The following MAP3K21 variants were observed in gnomAD, a reference collection of about 807,000 sequenced individuals.
MAP3K21 encodes the protein mitogen-activated protein kinase kinase kinase 21.
MAP3K21 carries 63 observed loss-of-function variants against 86.1 expected under a neutral mutation model. The observed-to-expected ratio is 0.73, with a 90% CI of 0.60 to 0.90. The LOEUF (loss-of-function observed/expected upper bound fraction) is 0.90, where lower values mean the gene tolerates loss of function less well. MAP3K21 is among the 40% of genes least tolerant of loss of function. MAP3K21 has a pLI of 0.00. For synonymous variants in MAP3K21, 558 were observed against 564.8 expected, an observed-to-expected ratio of 0.99 and a Z score of 0.17; for missense variants, 1,220 against 1,367.7, an observed-to-expected ratio of 0.89 and a Z score of 1.70.
In MAP3K21 at chr1:233,379,477, G is replaced by C; in HGVS notation, c.2471G>C (p.Ser824Thr). The C allele has an allele frequency of 6.2e-7, 1 of 1,614,196 alleles. No individual in the cohort carries two copies. Among genetic ancestry groups the C allele is most frequent in the Non-Finnish European group, 8.5e-7 (1 of 1,180,034 alleles). The change falls in exon 9 of 10, where the codon AGT (serine) becomes ACT (threonine). Residue 824 changes from serine to threonine, a missense_variant. By Grantham distance (58) the Ser-to-Thr change is moderately conservative. Around this residue, in one of 5 missense-constraint regions of MAP3K21, gnomAD observed 632 missense variants for 691.3 expected, o/e 0.91. Transcript: ENST00000366624. ...GACAGTGAAGATCCACTGGTGGACA[G>C]TGCACCTGTCACTTGTGACTCTGAG... Reference protein sequence around the residue: ...QMDSEDPLVDSAPVTCDSEML... With the variant: ...QMDSEDPLVDTAPVTCDSEML...
intron 4 of MAP3K21, among the ~76,000 whole-genome samples, chr1:233,358,368 C>G (rs527840499): frequency 6.6e-6 from 1 of 152,024 alleles, no homozygotes; most frequent in South Asian, 2.1e-4. Context: ...GGTTTGACAT[C>G]CTGCAGTTCT....
At chr1:233,350,284 A>G (rs1340016331) in intron 2 of MAP3K21, among the ~76,000 whole-genome samples, 1 of 151,942 alleles carries the variant, frequency 6.6e-6, no homozygotes, top group Non-Finnish European at 1.5e-5. Flanking sequence ...TGATTGCTTG[A>G]ATCTGCAGAT....
At position 233,328,545 on chromosome 1, in the gene MAP3K21, C is replaced by A. The variant is rs778528492; in HGVS notation, c.517C>A (p.Arg173=). Residue 173 remains arginine (R), a synonymous_variant, in exon 1 of 10, where the codon CGG becomes AGG. Coordinates refer to ENST00000366624, the MANE Select transcript of MAP3K21 (RefSeq NM_032435.3). The surrounding 1 kb of genome is among the most constrained non-coding windows in gnomAD (Gnocchi z 8.7). ...AAAESVRREA[R]LFAMLRHPNI... ...TGCCGAGAGCGTGCGGCGCGAGGCT[C>A]GGCTCTTCGCCATGCTGCGGCACCC... 2 of 1,532,698 alleles carry A rather than the reference C, an allele frequency of 1.3e-6. No homozygotes were observed. Among genetic ancestry groups the A allele is most frequent in the Admixed American group, 3.9e-5 (2 of 51,714 alleles). 94.9% of individuals were successfully genotyped at this position (1,532,698 alleles called of 1,614,324 possible).
intron 5 of MAP3K21, among the ~76,000 whole-genome samples, chr1:233,371,749 TTGTGTGTGTGTG>T (rs71574858): frequency 6.1e-5 from 9 of 147,776 alleles, no homozygotes; most frequent in East Asian, 2.0e-4. Flanking sequence ...ATATTTTCCT[TTGTGTGTGTGTG>T]TGTGTGTGTG....
chr1:233,378,399 GTC>G, intron 8 of MAP3K21, among the ~76,000 whole-genome samples: 1 of 152,176 alleles, frequency 6.6e-6, no homozygotes. Context: ...TGATTCCATA[GTC>G]TGGGGTGGGC....
chr1:233,338,664 G>A (rs746027136), intron 1 of MAP3K21, among the ~76,000 whole-genome samples: 1 of 152,196 alleles, frequency 6.6e-6, no homozygotes, highest in Non-Finnish European at 1.5e-5. Context: ...AAAACAAGAG[G>A]CCAGTGTGCT....
chr1:233,362,921 TATCA>T (rs954007902), intron 5 of MAP3K21, among the ~76,000 whole-genome samples: 4 of 152,114 alleles, frequency 2.6e-5, no homozygotes, highest in East Asian at 1.9e-4. Flanking sequence ...ATAGAAAATA[TATCA>T]ATCAATCAAT....
chr1:233,330,337 T>C (rs1382936478), intron 1 of MAP3K21, among the ~76,000 whole-genome samples: 1 of 152,234 alleles, frequency 6.6e-6, no homozygotes, highest in East Asian at 1.9e-4. Flanking sequence ...CTTAGTACTT[T>C]GACAGACCAC....
intron 7 of MAP3K21, 38 bp downstream of exon 7, chr1:233,376,104 A>G (rs1332336610): frequency 1.3e-6 from 2 of 1,538,946 alleles, no homozygotes; most frequent in South Asian, 1.2e-5. Flanking sequence ...ATTGTGTAAT[A>G]TGACAAATCC....
At chr1:233,380,219 A>G (rs12046514) in intron 9 of MAP3K21, among the ~76,000 whole-genome samples, 31,496 of 152,204 alleles carry the variant, frequency 0.21, 3,524 homozygotes, top group East Asian at 0.32. Context: ...CAGCAGTTCC[A>G]GAGGCTGGAA....
chr1:233,354,049 C>A, intron 3 of MAP3K21, 94 bp downstream of exon 3: 1 of 1,311,316 alleles, frequency 7.6e-7, no homozygotes, highest in Non-Finnish European at 1.0e-6. Flanking sequence ...TTCTGTGACT[C>A]TAATTTCCAA....
chr1:233,367,202 C>T (rs1402035288), intron 5 of MAP3K21, among the ~76,000 whole-genome samples: 1 of 152,186 alleles, frequency 6.6e-6, no homozygotes, highest in Non-Finnish European at 1.5e-5. Flanking sequence ...CCTGCAAAAA[C>T]CATCTACCTC....
At chr1:233,336,986 C>G (rs990012281) in intron 1 of MAP3K21, among the ~76,000 whole-genome samples, 1 of 152,154 alleles carries the variant, frequency 6.6e-6, no homozygotes, top group Admixed American at 6.5e-5. Context: ...CATCTCAGAG[C>G]GTTTGTTCCT....
intron 9 of MAP3K21, among the ~76,000 whole-genome samples, chr1:233,379,916 T>C (rs1290167130): frequency 6.6e-6 from 1 of 152,202 alleles, no homozygotes; most frequent in East Asian, 1.9e-4. Flanking sequence ...TGAATTTCAG[T>C]AACTGAAACC....
intron 5 of MAP3K21, among the ~76,000 whole-genome samples, chr1:233,365,434 A>T (rs1477200222): frequency 6.6e-6 from 1 of 152,220 alleles, no homozygotes; most frequent in African/African-American, 2.4e-5. Flanking sequence ...AATGGCAAAA[A>T]CACAAATAAT....
At chr1:233,361,870 T>C (rs1663470972) in intron 4 of MAP3K21, among the ~76,000 whole-genome samples, 183 bp from the exon 5 acceptor site, 2 of 152,238 alleles carry the variant, frequency 1.3e-5, no homozygotes, top group South Asian at 4.1e-4. Flanking sequence ...TTGTCCTGAC[T>C]GCAAAGACCT....
intron 4 of MAP3K21, among the ~76,000 whole-genome samples, chr1:233,357,509 G>A (rs1663383157): frequency 6.6e-6 from 1 of 152,122 alleles, no homozygotes; most frequent in South Asian, 2.1e-4. Flanking sequence ...ATTGAAAAAT[G>A]CACAACAGGT....
intron 1 of MAP3K21, among the ~76,000 whole-genome samples, chr1:233,338,281 A>G (rs1316168764): frequency 6.6e-6 from 1 of 152,170 alleles, no homozygotes; most frequent in Non-Finnish European, 1.5e-5. Flanking sequence ...TGTATTTGGT[A>G]TGCTAGCTCT....
intron 4 of MAP3K21, among the ~76,000 whole-genome samples, chr1:233,359,179 A>G (rs185225765): frequency 3.1e-4 from 47 of 152,310 alleles, no homozygotes; most frequent in African/African-American, 9.6e-4. Flanking sequence ...ATCTCTAGTG[A>G]GTTCATAATT....
Sources: gnomAD v4.1 joint callset for allele counts (sites outside exome capture counted in the v4.1 genomes callset) on GRCh38, gnomAD v4.1.1 for gene constraint, gnomAD v4.1.1 regional missense constraint, Gnocchi (gnomAD v3.1) non-coding constraint, MANE v1.5 for transcripts, NCBI Gene and HGNC (gene_info 2026-07-23, HGNC 2026-07-21) for gene names.